Variants in CFAP206 observed in about 807,000 individuals in gnomAD.
The protein encoded by CFAP206 is cilia- and flagella-associated protein 206.
Under a neutral mutation model 65.4 loss-of-function variants are expected in CFAP206, and 53 were observed. That is an observed-to-expected ratio of 0.81 (90% CI 0.65 to 1.02). The LOEUF (loss-of-function observed/expected upper bound fraction) is 1.02, where lower values mean the gene tolerates loss of function less well. CFAP206 is among the 50% of genes least tolerant of loss of function. The pLI is 0.00. For synonymous variants in CFAP206, 250 were observed against 254.4 expected (o/e 0.98, Z 0.17); for missense variants, 663 against 753.2 (o/e 0.88, Z 1.40).
At chr6:87,429,245 A>G (rs1768112845) in intron 9 of CFAP206, among the ~76,000 whole-genome samples, 1 of 151,936 alleles carries the variant, frequency 6.6e-6, no homozygotes, top group African/African-American at 2.4e-5. Flanking sequence ...AAAAAAAAAA[A>G]AAGCACTAAT....
rs370690253 is a variant in CFAP206, at chr6:87,413,897, C to T, written c.280C>T (p.Arg94Ter). 4 of 1,514,282 alleles carry T rather than the reference C, an allele frequency of 2.6e-6. No homozygotes were observed. Among genetic ancestry groups the T allele is most frequent in the Non-Finnish European group, 3.5e-6 (4 of 1,133,922 alleles). 93.8% of individuals were successfully genotyped at this position (1,514,282 alleles called of 1,614,324 possible). Residue 94 changes from arginine to a stop codon, truncating the protein, a stop_gained, in exon 4 of 13, where the codon CGA becomes TGA. Transcript: ENST00000369562. LOFTEE classifies it high-confidence loss of function. ...QVYFDMNYTN[R>*]VEFLEEHHRV... ...CTACTTCGATATGAATTATACGAAT[C>T]GAGGTAATGTATACTACCTATTTTT... is the stretch of plus-strand genomic sequence containing the variant.
chr6:87,456,661 A>G (rs995856154), intron 11 of CFAP206, among the ~76,000 whole-genome samples: 1 of 152,244 alleles, frequency 6.6e-6, no homozygotes, highest in African/African-American at 2.4e-5. Flanking sequence ...AAACAAATAC[A>G]GTAAAGTTGC....
intron 7 of CFAP206, among the ~76,000 whole-genome samples, chr6:87,419,435 T>C (rs1018158419): frequency 6.6e-6 from 1 of 152,130 alleles, no homozygotes. Context: ...AAAACAGATA[T>C]CTACATAAAG....
Position 87,418,203 on chromosome 6 carries a change from A to G in CFAP206, c.632-5A>G. The G allele has an allele frequency of 3.1e-6, 5 of 1,613,914 alleles. No homozygotes were observed. The highest frequency in any genetic ancestry group is 1.1e-5 in the South Asian group (1 of 91,070). ...ATGGCTGCCTTTTCATACTCTTACA[A>G]ACAGTGCCAGCTGTTCTCCATGTAG... On this transcript the variant is annotated splice_region_variant and splice_polypyrimidine_tract_variant and intron_variant, in intron 6 of 12. Coordinates refer to ENST00000369562, the MANE Select transcript of CFAP206 (RefSeq NM_001031743.3).
At chr6:87,455,097 A>AT (rs1768617158) in intron 11 of CFAP206, among the ~76,000 whole-genome samples, 1 of 151,292 alleles carries the variant, frequency 6.6e-6, no homozygotes, top group South Asian at 2.1e-4. Context: ...TAATTTTTGT[A>AT]TTTTTGTAGA....
intron 5 of CFAP206, 106 bp downstream of exon 5, chr6:87,415,980 T>G: frequency 1.2e-6 from 1 of 846,548 alleles, no homozygotes; most frequent in Non-Finnish European, 1.6e-6. Flanking sequence ...TCCCTTTTTA[T>G]CTGAAAAAAA....
At chr6:87,440,217 T>C (rs774026802) in intron 11 of CFAP206, among the ~76,000 whole-genome samples, 6 of 152,168 alleles carry the variant, frequency 3.9e-5, no homozygotes, top group African/African-American at 7.2e-5. Flanking sequence ...TTTTTGTTGC[T>C]ATTTTAAATG....
chr6:87,442,196 A>G (rs1768371853), intron 11 of CFAP206: 1 of 153,510 alleles, frequency 6.5e-6, no homozygotes, highest in African/African-American at 2.4e-5. Context: ...CAACTAAATG[A>G]AATACCTTTT....
intron 1 of CFAP206, among the ~76,000 whole-genome samples, chr6:87,409,020 G>GC (rs1767678612): frequency 3.9e-5 from 5 of 129,718 alleles, no homozygotes; most frequent in Admixed American, 3.8e-4. Context: ...TATAGTAAAT[G>GC]CTTTTTTTTA....
At chr6:87,427,670 A>C (rs1582138944) in intron 8 of CFAP206, among the ~76,000 whole-genome samples, 1 of 149,532 alleles carries the variant, frequency 6.7e-6, no homozygotes, top group Non-Finnish European at 1.5e-5. Flanking sequence ...CCCAAGATAT[A>C]TCTCTATACT....
intron 11 of CFAP206, among the ~76,000 whole-genome samples, chr6:87,448,684 A>G (rs1768488822): frequency 1.3e-5 from 2 of 152,066 alleles, no homozygotes; most frequent in Admixed American, 6.6e-5. Flanking sequence ...GGTAACCACT[A>G]TTCTACTCCC....
At chr6:87,454,393 C>T (rs780995212) in intron 11 of CFAP206, among the ~76,000 whole-genome samples, 7 of 152,162 alleles carry the variant, frequency 4.6e-5, no homozygotes, top group Non-Finnish European at 8.8e-5. Context: ...TGACCAAATA[C>T]TTACAGTACA....
chr6:87,412,886 C>T (rs6921463), intron 3 of CFAP206, among the ~76,000 whole-genome samples: 4,425 of 152,208 alleles, frequency 0.029, 221 homozygotes, highest in African/African-American at 0.1. Flanking sequence ...TCTCGAACTC[C>T]TGACATCGGG....
At chr6:87,433,794 A>G (rs567639729) in intron 10 of CFAP206, among the ~76,000 whole-genome samples, 1 of 152,316 alleles carries the variant, frequency 6.6e-6, no homozygotes, top group East Asian at 1.9e-4. Flanking sequence ...AGCATAACTG[A>G]TATGTTAAAA....
At chr6:87,409,749 A>G in intron 1 of CFAP206, 86 bp from the exon 2 acceptor site, 4 of 832,522 alleles carry the variant, frequency 4.8e-6, no homozygotes, top group South Asian at 1.5e-5. Context: ...CTGTTTACAA[A>G]TACAATATTG....
intron 7 of CFAP206, among the ~76,000 whole-genome samples, chr6:87,424,498 C>A (rs1414015121): frequency 6.6e-6 from 1 of 151,964 alleles, no homozygotes; most frequent in African/African-American, 2.4e-5. Flanking sequence ...AGGATGGTCT[C>A]GATCTCCTGA....
intron 11 of CFAP206, among the ~76,000 whole-genome samples, chr6:87,447,871 A>G (rs562849993): frequency 6.1e-4 from 92 of 151,988 alleles, no homozygotes; most frequent in African/African-American, 2.1e-3. Context: ...TTATTAGTCT[A>G]TTCAGGATCC....
chr6:87,461,087 TAC>T lies in CFAP206; in HGVS notation c.1566_1567del (p.Ile523ThrfsTer10). On this transcript the variant is annotated frameshift_variant, in exon 12 of 13. Coordinates refer to ENST00000369562, the MANE Select transcript of CFAP206 (RefSeq NM_001031743.3). LOFTEE classifies it high-confidence loss of function. ...AATGTGAAAGTAGCACACAGACGAA[TAC>T]ACACATACTGCCACCAACGATTGTG... ...TKCESSTQTN[T>X]HILPPTIVRS... The T allele has an allele frequency of 4.4e-6, 7 of 1,594,798 alleles. No individual in the cohort carries two copies. Among genetic ancestry groups the T allele is most frequent in the Non-Finnish European group, 6.0e-6 (7 of 1,173,374 alleles).
At chr6:87,453,084 G>T (rs923414180) in intron 11 of CFAP206, among the ~76,000 whole-genome samples, 2 of 151,584 alleles carry the variant, frequency 1.3e-5, no homozygotes, top group Non-Finnish European at 1.5e-5. Context: ...AGCAGCAAGA[G>T]AAAAGAAAGA....
Sources: gnomAD v4.1 joint callset for allele counts (sites outside exome capture counted in the v4.1 genomes callset) on GRCh38, gnomAD v4.1.1 for gene constraint, MANE v1.5 for transcripts, NCBI Gene and HGNC (gene_info 2026-07-23, HGNC 2026-07-21) for gene names.